The following SLC22A4 variants were observed in gnomAD, a reference collection of about 807,000 sequenced individuals.
SLC22A4 encodes the protein solute carrier family 22 member 4.
A neutral mutation model predicts 56.6 loss-of-function variants in SLC22A4; 39 were observed. The observed-to-expected ratio is 0.69, with a 90% confidence interval of 0.53 to 0.90. The LOEUF (loss-of-function observed/expected upper bound fraction) is 0.90, where lower values mean the gene tolerates loss of function less well. Ranked by LOEUF, SLC22A4 falls within the 40% of genes least tolerant of loss-of-function variation. SLC22A4 has a pLI of 0.00. For synonymous variants in SLC22A4, 241 were observed against 281.4 expected (o/e 0.86, Z 1.44); for missense variants, 594 against 696.5 (o/e 0.85, Z 1.66).
chr5:132,319,718 G>A (rs944361943), intron 3 of SLC22A4, among the ~76,000 whole-genome samples: 1 of 152,032 alleles, frequency 6.6e-6, no homozygotes, highest in Admixed American at 6.6e-5. Flanking sequence ...TCAGCCTCCC[G>A]AATAGGTGGG....
chr5:132,336,706 T>C (rs532830921), intron 8 of SLC22A4, among the ~76,000 whole-genome samples: 5 of 152,292 alleles, frequency 3.3e-5, no homozygotes, highest in African/African-American at 1.2e-4. Context: ...CATTTTAAAA[T>C]AAGTATATGT....
chr5:132,333,827 A>C (rs1019990536), intron 6 of SLC22A4, among the ~76,000 whole-genome samples: 2 of 152,120 alleles, frequency 1.3e-5, no homozygotes, highest in Admixed American at 1.3e-4. Flanking sequence ...TTTTTTTGAG[A>C]TAGAGTTTCG....
chr5:132,294,847 G>A lies in SLC22A4; in HGVS notation c.231G>A (p.Val77=). ...VPLRLRDGRE[V]PHSCSRYRLA... ...TGCGGCTGCGGGACGGCCGCGAGGTGCCCCACAGCTGCAGCCGCTACCGGC... is the reference window on the plus strand; with the variant it reads ...TGCGGCTGCGGGACGGCCGCGAGGTACCCCACAGCTGCAGCCGCTACCGGC... Residue 77 remains valine (V), a synonymous_variant, in exon 1 of 10, where the codon GTG becomes GTA. Coordinates refer to ENST00000200652, the MANE Select transcript of SLC22A4 (RefSeq NM_003059.3). The surrounding 1 kb of genome is among the most constrained non-coding windows in gnomAD (Gnocchi z 5.6). 1 of 1,609,292 alleles carries A rather than the reference G, an allele frequency of 6.2e-7. No homozygotes were observed. Among genetic ancestry groups the A allele is most frequent in the Non-Finnish European group, 8.5e-7 (1 of 1,178,458 alleles).
intron 1 of SLC22A4, chr5:132,311,892 C>T (rs1245222057): frequency 5.6e-6 from 3 of 536,792 alleles, no homozygotes; most frequent in Admixed American, 3.1e-5. Context: ...CTATGTAATG[C>T]GAGCGGAGTA....
At chr5:132,313,585 CAT>C (rs751767313) in intron 2 of SLC22A4, 27 bp from the exon 3 acceptor site, 7 of 1,612,426 alleles carry the variant, frequency 4.3e-6, no homozygotes, top group Non-Finnish European at 5.1e-6. Context: ...CTACACATCT[CAT>C]GTTTTGTGTT....
intron 1 of SLC22A4, among the ~76,000 whole-genome samples, chr5:132,301,857 A>C (rs567568386): frequency 1.1e-4 from 17 of 152,264 alleles, no homozygotes; most frequent in African/African-American, 4.1e-4. Flanking sequence ...GCCCTGGGAC[A>C]TTGCTCACGG....
At chr5:132,327,475 A>T in intron 5 of SLC22A4, 72 bp downstream of exon 5, 1 of 1,352,022 alleles carries the variant, frequency 7.4e-7, no homozygotes, top group Middle Eastern at 1.8e-4. Context: ...AACTTAATTC[A>T]ATATTTGTTA....
At chr5:132,335,681 A>T in intron 7 of SLC22A4, 137 bp from the exon 8 acceptor site, 1 of 765,000 alleles carries the variant, frequency 1.3e-6, no homozygotes, top group Admixed American at 2.0e-5. Context: ...GGACATTTGA[A>T]GAGAAAATGC....
chr5:132,327,490 C>A, intron 5 of SLC22A4, 87 bp downstream of exon 5: 3 of 1,137,658 alleles, frequency 2.6e-6, no homozygotes, highest in Non-Finnish European at 4.0e-6. Context: ...TTGTTAAGTG[C>A]CCACTATGTA....
chr5:132,340,069 T>TAG (rs1751161037), intron 8 of SLC22A4, among the ~76,000 whole-genome samples: 3 of 19,712 alleles, frequency 1.5e-4, no homozygotes, highest in African/African-American at 6.3e-4. Flanking sequence ...AGTTGTTTTT[T>TAG]TTTTTTTTTT....
chr5:132,340,782 T>C (rs571886757), intron 9 of SLC22A4, 82 bp downstream of exon 9: 20 of 1,335,702 alleles, frequency 1.5e-5, no homozygotes, highest in African/African-American at 2.9e-5. Flanking sequence ...GGTTCTGAAA[T>C]AGAAGAGTAA....
At chr5:132,338,652 T>G (rs1330316843) in intron 8 of SLC22A4, among the ~76,000 whole-genome samples, 1 of 152,210 alleles carries the variant, frequency 6.6e-6, no homozygotes, top group Non-Finnish European at 1.5e-5. Context: ...GGATGTTCCT[T>G]GCTGAGAAAA....
intron 1 of SLC22A4, among the ~76,000 whole-genome samples, chr5:132,304,837 G>A (rs1580821367): frequency 6.6e-6 from 1 of 152,256 alleles, no homozygotes; most frequent in Admixed American, 6.5e-5. Flanking sequence ...AAGGCATAAG[G>A]CAGCCATTAT....
chr5:132,322,877 C>G (rs934121596), intron 4 of SLC22A4, among the ~76,000 whole-genome samples: 2 of 152,206 alleles, frequency 1.3e-5, no homozygotes, highest in African/African-American at 2.4e-5. Context: ...GTCCTCTTCT[C>G]TCCTCCCACA....
At position 132,320,847 on chromosome 5, in the gene SLC22A4, C is replaced by CTGTTT. The variant is rs1387891205; in HGVS notation, c.653-1333_653-1329dup. 2.0e-5 allele frequency: 3 copies of CTGTTT among 152,226 alleles called. No homozygotes were observed. In the East Asian group the frequency reaches 5.8e-4, roughly 29 times the overall value. The allele number at this position is 152,226 out of a possible 1,614,324, so 9.4% of individuals were successfully genotyped here. A position where few individuals can be genotyped will look rare whatever the true frequency, so the allele number is the denominator to read the frequency against. The stretch of plus-strand genomic sequence containing the variant: ...CAAGCATGAATGACCTTTGAATTAT[C>CTGTTT]TGTTTTGTATCTTCCAGGCCACTTC... On this transcript the variant is annotated intron_variant, in intron 3 of 9. Transcript: ENST00000200652.
chr5:132,301,484 G>A (rs1343555235), intron 1 of SLC22A4, among the ~76,000 whole-genome samples: 3 of 152,188 alleles, frequency 2.0e-5, no homozygotes, highest in Non-Finnish European at 4.4e-5. Flanking sequence ...AGTTGATGGA[G>A]CCTCCAGCAA....
At chr5:132,298,825 T>C (rs1197958909) in intron 1 of SLC22A4, among the ~76,000 whole-genome samples, 1 of 152,216 alleles carries the variant, frequency 6.6e-6, no homozygotes, top group African/African-American at 2.4e-5. Context: ...CCTTCTCCAC[T>C]GGCTGGGGAC....
chr5:132,312,282 G>A lies in SLC22A4; in HGVS notation c.497+18G>A, dbSNP rs1172155927. The A allele has an allele frequency of 3.4e-6, 5 of 1,477,332 alleles. No homozygotes were observed. Among genetic ancestry groups the A allele is most frequent in the African/African-American group, 1.4e-5 (1 of 72,216 alleles). 91.5% of individuals were successfully genotyped at this position (1,477,332 alleles called of 1,614,324 possible). On this transcript the variant is annotated intron_variant, in intron 2 of 9. Coordinates refer to ENST00000200652, the MANE Select transcript of SLC22A4 (RefSeq NM_003059.3). ...TCAGACAGGTAAGCACATGGGAGGGGAGGAAGGTGGGATGGTGCCCCTTGT... is the reference window on the plus strand; with the variant it reads ...TCAGACAGGTAAGCACATGGGAGGGAAGGAAGGTGGGATGGTGCCCCTTGT...
chr5:132,322,507 T>C (rs1459358474), intron 4 of SLC22A4, 152 bp downstream of exon 4: 5 of 723,282 alleles, frequency 6.9e-6, no homozygotes, highest in Admixed American at 4.1e-5. Flanking sequence ...TTTGCCTCAT[T>C]GTGGGTGGGC....
Sources: gnomAD v4.1 joint callset for allele counts (sites outside exome capture counted in the v4.1 genomes callset) on GRCh38, gnomAD v4.1.1 for gene constraint, Gnocchi (gnomAD v3.1) non-coding constraint, MANE v1.5 for transcripts, NCBI Gene and HGNC (gene_info 2026-07-23, HGNC 2026-07-21) for gene names.